The following ORC4 variants were observed in gnomAD, a reference collection of about 807,000 sequenced individuals.
ORC4 encodes the protein origin recognition complex subunit 4.
Under a neutral mutation model 63.9 loss-of-function variants are expected in ORC4, and 55 were observed. The observed-to-expected ratio is 0.86, with a 90% confidence interval of 0.69 to 1.08. The LOEUF (loss-of-function observed/expected upper bound fraction) is 1.08, where lower values mean the gene tolerates loss of function less well. ORC4 is among the 50% of genes least tolerant of loss of function. The pLI, the probability that ORC4 is intolerant of heterozygous loss-of-function variation, is 0.00. For synonymous variants in ORC4, 150 were observed against 168.5 expected (o/e 0.89, Z 0.85); for missense variants, 511 against 504.4 (o/e 1.01, Z -0.13).
intron 1 of ORC4, among the ~76,000 whole-genome samples, chr2:148,008,912 C>A (rs1347577499): frequency 6.7e-6 from 1 of 150,308 alleles, no homozygotes; most frequent in Non-Finnish European, 1.5e-5. Flanking sequence ...AGTGCTATTT[C>A]TTTTGCAGCA....
intron 4 of ORC4, among the ~76,000 whole-genome samples, chr2:147,971,235 T>A (rs1690188957): frequency 6.6e-6 from 1 of 151,826 alleles, no homozygotes; most frequent in Admixed American, 6.6e-5. Context: ...CAAAAATAAA[T>A]AAATAAATAA....
chr2:147,961,312 T>C (rs1227200480), intron 4 of ORC4, among the ~76,000 whole-genome samples: 1 of 151,772 alleles, frequency 6.6e-6, no homozygotes. Flanking sequence ...TGGTGGCACA[T>C]GCCTGTCCCA....
chr2:147,935,436 T>A lies in ORC4; in HGVS notation c.*74A>T. On this transcript the variant is annotated 3_prime_UTR_variant, in exon 14 of 14. Coordinates refer to ENST00000392857, the MANE Select transcript of ORC4 (RefSeq NM_181741.4). ...TGTTTATAGAATGTTTAGCATATCA[T>A]GTTAATGGACAATAGTTTTCCGTTC... 1 of 1,090,972 alleles carries A rather than the reference T, an allele frequency of 9.2e-7. No homozygotes were observed. Among genetic ancestry groups the A allele is most frequent in the Non-Finnish European group, 1.4e-6 (1 of 707,864 alleles). The allele number at this position is 1,090,972 out of a possible 1,614,324, so 67.6% of individuals were successfully genotyped here. A position where few individuals can be genotyped will look rare whatever the true frequency, so the allele number is the denominator to read the frequency against.
chr2:147,942,183 A>G (rs1054786258), intron 10 of ORC4, among the ~76,000 whole-genome samples: 2 of 152,144 alleles, frequency 1.3e-5, no homozygotes, highest in Non-Finnish European at 2.9e-5. Flanking sequence ...ATGCCAGTCC[A>G]TAAATGGTAG....
chr2:147,962,984 G>T (rs552587054), intron 4 of ORC4, among the ~76,000 whole-genome samples: 1 of 152,152 alleles, frequency 6.6e-6, no homozygotes, highest in African/African-American at 2.4e-5. Context: ...ACCTCCCACA[G>T]GGTGGCCAAG....
At chr2:148,010,785 A>G (rs1236439355) in intron 1 of ORC4, among the ~76,000 whole-genome samples, 1 of 150,898 alleles carries the variant, frequency 6.6e-6, no homozygotes. Flanking sequence ...CATCAATCCT[A>G]CTCAAATCAT....
chr2:147,938,481 T>A, intron 11 of ORC4, 88 bp from the exon 12 acceptor site: 2 of 820,008 alleles, frequency 2.4e-6, no homozygotes, highest in Non-Finnish European at 4.3e-6. Flanking sequence ...TAGTGAAAGA[T>A]CTATGGTTCT....
chr2:148,021,452 T>TG (rs1213570125), upstream of ORC4: 20 of 572,288 alleles, frequency 3.5e-5, no homozygotes, highest in Non-Finnish European at 6.7e-5. Flanking sequence ...ACAGACCCTT[T>TG]GCTGCTGCTG....
At position 147,944,697 on chromosome 2, in the gene ORC4, T is replaced by TA. The variant is rs74610655; in HGVS notation, c.763-1176dup. Among the ~76,000 whole-genome samples the TA allele has an allele frequency of 8.8e-3, 1,086 of 122,854 alleles. 6 individuals carry two copies. Among genetic ancestry groups the TA allele is most frequent in the Non-Finnish European group, 0.012 (688 of 55,198 alleles). 80.6% of individuals were successfully genotyped at this position (122,854 alleles called of 152,430 possible). On this transcript the variant is annotated intron_variant, in intron 9 of 13. Coordinates refer to ENST00000392857, the MANE Select transcript of ORC4 (RefSeq NM_181741.4). Reference sequence around the variant, plus strand: ...CATCTGCATGGAATAAGGATTCTTTTAAAAAAAAAAAAAAGCCCAGAAAAC... The same window carrying TA: ...CATCTGCATGGAATAAGGATTCTTTTAAAAAAAAAAAAAAAGCCCAGAAAAC...
Position 147,932,519 on chromosome 2 carries a change from T to C in ORC4, c.*2991A>G, listed in dbSNP as rs1266536107. The C allele has an allele frequency of 6.6e-6, 1 of 152,116 alleles. No homozygotes were observed. Among genetic ancestry groups the C allele is most frequent in the East Asian group, 1.9e-4 (1 of 5,182 alleles). The allele number at this position is 152,116 out of a possible 1,614,324, so 9.4% of individuals were successfully genotyped here. On this transcript the variant is annotated 3_prime_UTR_variant, in exon 14 of 14. Coordinates refer to ENST00000392857, the MANE Select transcript of ORC4 (RefSeq NM_181741.4). ...AAGGCAATCCTAAGCTATGTGTTCT[T>C]AAAGAGGGGAGTGGTAGCTTTGTAA...
intron 1 of ORC4, among the ~76,000 whole-genome samples, chr2:148,013,287 A>T (rs1693084562): frequency 6.6e-6 from 1 of 152,180 alleles, no homozygotes; most frequent in South Asian, 2.1e-4. Context: ...AACAATATGG[A>T]TGTGACTGAC....
chr2:147,955,721 G>C (rs1248997638), intron 6 of ORC4, among the ~76,000 whole-genome samples: 1 of 151,988 alleles, frequency 6.6e-6, no homozygotes, highest in Non-Finnish European at 1.5e-5. Context: ...AAATTTATTT[G>C]AAGGTAGTTT....
intron 2 of ORC4, among the ~76,000 whole-genome samples, chr2:147,974,002 A>C (rs536252593): frequency 6.6e-6 from 1 of 152,322 alleles, no homozygotes; most frequent in South Asian, 2.1e-4. Flanking sequence ...CAAGGACAAC[A>C]ACCTGAGGGT....
At chr2:148,020,414 G>GATT (rs752879155) in intron 1 of ORC4, among the ~76,000 whole-genome samples, 52 of 152,222 alleles carry the variant, frequency 3.4e-4, no homozygotes, top group Non-Finnish European at 3.5e-4. Context: ...ACTTGTCAAG[G>GATT]ATTCCTCGGC....
At chr2:147,955,990 A>G (rs1489011581) in intron 6 of ORC4, among the ~76,000 whole-genome samples, 2 of 152,062 alleles carry the variant, frequency 1.3e-5, no homozygotes, top group Admixed American at 1.3e-4. Context: ...TAGCCAAAAC[A>G]TTTTTGGATA....
At position 147,985,462 on chromosome 2, in the gene ORC4, C is replaced by T. The variant is rs564464255; in HGVS notation, c.-17-9487G>A. On this transcript the variant is annotated intron_variant, in intron 1 of 13. Coordinates refer to ENST00000392857, the MANE Select transcript of ORC4 (RefSeq NM_181741.4). ...CCGCCTGCCTCGGCCTCCCAAGGTGCTGGGATTACAGGCGTGAGCCACCGT... is the reference window on the plus strand; with the variant it reads ...CCGCCTGCCTCGGCCTCCCAAGGTGTTGGGATTACAGGCGTGAGCCACCGT... 5.9e-5 allele frequency among the ~76,000 whole-genome samples: 9 copies of T among 152,316 alleles called. No individual in the cohort carries two copies. The South Asian group carries it at 1.2e-3, about 21-fold the overall frequency.
rs1689026789 is a variant in ORC4 at position 147,952,680 on chromosome 2, T to A, written c.437-156A>T. 1.3e-5 allele frequency among the ~76,000 whole-genome samples: 2 copies of A among 152,212 alleles called. 1 individual carries two copies. Among genetic ancestry groups the A allele is most frequent in the South Asian group, 4.1e-4 (2 of 4,836 alleles). On this transcript the variant is annotated intron_variant, in intron 7 of 13. Transcript: ENST00000392857. ...GGATTTACTGATGCATATACGTTCA[T>A]TCAACAGAAAAAAATTATTCAAAGG...
At chr2:147,940,518 G>A (rs967564036) in intron 10 of ORC4, among the ~76,000 whole-genome samples, 1 of 152,012 alleles carries the variant, frequency 6.6e-6, no homozygotes, top group East Asian at 1.9e-4. Flanking sequence ...TTGCAAAATC[G>A]TAGAACCAAC....
chr2:147,938,362 T>A lies in ORC4; in HGVS notation c.990A>T (p.Ile330=). ...AGATGTCATTTAAATGTTTCATTGC[T>A]ATTATAAGACAGATTTCCAAGACTG... ...GLSVLEICLI[I]AMKHLNDIYE... is the part of the protein sequence containing the mutation. Residue 330 remains isoleucine (I), a synonymous_variant, in exon 12 of 14, where the codon ATA becomes ATT. Coordinates refer to ENST00000392857, the MANE Select transcript of ORC4 (RefSeq NM_181741.4). 6.2e-7 allele frequency: 1 copy of A among 1,606,010 alleles called. No homozygotes were observed. Among genetic ancestry groups the A allele is most frequent in the African/African-American group, 1.3e-5 (1 of 74,824 alleles).
Sources: allele counts gnomAD v4.1 joint callset (sites outside exome capture counted in the v4.1 genomes callset), GRCh38; gene constraint gnomAD v4.1.1; transcripts MANE v1.5; gene names NCBI Gene and HGNC (gene_info 2026-07-23, HGNC 2026-07-21).